The following JADE3 variants were observed in gnomAD, a reference collection of about 807,000 sequenced individuals.
JADE3 encodes the protein jade family PHD finger 3, also known as protein Jade-3.
In JADE3, 2 loss-of-function variants were observed where a neutral mutation model predicts 50.1. The ratio of observed to expected loss-of-function variants is 0.04; its 90% CI spans 0.02 to 0.13. JADE3 has a LOEUF of 0.13. JADE3 is among the 10% of genes least tolerant of loss of function. The pLI, the probability that JADE3 is intolerant of heterozygous loss-of-function variation, is 1.00. For synonymous variants in JADE3, 218 were observed against 232.9 expected (o/e 0.94, Z 0.58); for missense variants, 475 against 634.4 (o/e 0.75, Z 2.70).
chrX:46,976,154 C>G (rs1350789016), intron 1 of JADE3, among the ~76,000 whole-genome samples: 2 of 111,491 alleles, frequency 1.8e-5, no homozygotes, highest in East Asian at 5.6e-4. Flanking sequence ...AATAGGGGCC[C>G]CTTGCACTGA....
At chrX:46,951,952 C>G (rs1556345227) in intron 1 of JADE3, among the ~76,000 whole-genome samples, 2 of 111,507 alleles carry the variant, frequency 1.8e-5, no homozygotes, top group Non-Finnish European at 3.8e-5. Flanking sequence ...GTTTTAGAAG[C>G]AAGATCTTGT....
chrX:46,939,707 TCTA>T (rs1926711142), intron 1 of JADE3, among the ~76,000 whole-genome samples: 1 of 112,124 alleles, frequency 8.9e-6, no homozygotes, highest in African/African-American at 3.2e-5. Context: ...GTTTGAAATA[TCTA>T]CTTTTTATCA....
rs782300274 is a variant in JADE3, at chrX:47,011,469, A to T, written c.284+13192A>T. Among the ~76,000 whole-genome samples, 72 of 111,801 alleles carry T rather than the reference A, an allele frequency of 6.4e-4. No individual in the cohort carries two copies. The South Asian group carries it at 0.024, about 38-fold the overall frequency. On this transcript the variant is annotated intron_variant, in intron 4 of 10. Transcript: ENST00000614628. ...AACATCCTCATACAGTTTTTTTTTA[A>T]ATTTTAATCAGGTCCTCTAGAAGAA...
At chrX:47,007,945 A>T (rs1486149110) in intron 4 of JADE3, among the ~76,000 whole-genome samples, 1 of 109,515 alleles carries the variant, frequency 9.1e-6, no homozygotes, top group Non-Finnish European at 1.9e-5. Flanking sequence ...TGTGAAATAG[A>T]TCATTTGAAT....
chrX:46,934,146 T>A (rs1926555256), intron 1 of JADE3, among the ~76,000 whole-genome samples: 1 of 111,632 alleles, frequency 9.0e-6, no homozygotes, highest in South Asian at 3.7e-4. Context: ...TTCATTTTGT[T>A]TTTTTTAAGA....
intron 4 of JADE3, among the ~76,000 whole-genome samples, chrX:47,015,688 G>A (rs1307238909): frequency 3.0e-5 from 3 of 99,963 alleles, no homozygotes; most frequent in Non-Finnish European, 6.1e-5. Context: ...TACGCCATTT[G>A]TTATAGCAAA....
At chrX:46,967,798 T>G (rs781818864) in intron 1 of JADE3, among the ~76,000 whole-genome samples, 1 of 112,220 alleles carries the variant, frequency 8.9e-6, no homozygotes, top group African/African-American at 3.2e-5. Context: ...CTGATTAGCC[T>G]TTTATTTCTT....
At chrX:46,930,590 C>G (rs1473548320) in intron 1 of JADE3, among the ~76,000 whole-genome samples, 1 of 112,226 alleles carries the variant, frequency 8.9e-6, no homozygotes, top group African/African-American at 3.2e-5. Context: ...TTGTGGATTA[C>G]TGTCATTGTG....
intron 8 of JADE3, among the ~76,000 whole-genome samples, chrX:47,051,117 G>A (rs1295630545): frequency 9.0e-6 from 1 of 110,647 alleles, no homozygotes; most frequent in Non-Finnish European, 1.9e-5. Context: ...GGAAAGTGGA[G>A]GGGGAGGTGT....
intron 5 of JADE3, among the ~76,000 whole-genome samples, chrX:47,025,604 A>G (rs1014515711): frequency 8.9e-6 from 1 of 112,290 alleles, no homozygotes; most frequent in African/African-American, 3.2e-5. Context: ...TGTGTGCCAT[A>G]CAATACCATA....
intron 1 of JADE3, among the ~76,000 whole-genome samples, chrX:46,952,147 G>A (rs782496061): frequency 9.8e-5 from 11 of 112,418 alleles, no homozygotes; most frequent in African/African-American, 3.6e-4. Context: ...GGCATCTGTT[G>A]TCTTTTCTCA....
At chrX:47,043,299 A>G (rs1175764050) in intron 8 of JADE3, among the ~76,000 whole-genome samples, 4 of 112,258 alleles carry the variant, frequency 3.6e-5, no homozygotes, top group Admixed American at 2.8e-4. Flanking sequence ...TGACTCTTCA[A>G]TGCCCAGACA....
At chrX:46,952,822 A>G (rs1927035896) in intron 1 of JADE3, among the ~76,000 whole-genome samples, 1 of 111,280 alleles carries the variant, frequency 9.0e-6, no homozygotes, top group Non-Finnish European at 1.9e-5. Flanking sequence ...ACATGGTGAA[A>G]CCCCATCTCT....
At chrX:46,957,213 T>TTAGATAGATAGA (rs61650300) in intron 1 of JADE3, among the ~76,000 whole-genome samples, 9,495 of 98,476 alleles carry the variant, frequency 0.096, 373 homozygotes, top group Non-Finnish European at 0.1. Flanking sequence ...TTCAGATAGA[T>TTAGATAGATAGA]TAGATAGATA....
chrX:46,958,041 A>G (rs1333572478), intron 1 of JADE3, among the ~76,000 whole-genome samples: 4 of 111,405 alleles, frequency 3.6e-5, no homozygotes, highest in Non-Finnish European at 5.7e-5. Flanking sequence ...CACCCTTTCA[A>G]TGGTCATTTA....
intron 3 of JADE3, among the ~76,000 whole-genome samples, chrX:46,996,377 A>G (rs922155539): frequency 8.9e-6 from 1 of 111,946 alleles, no homozygotes; most frequent in African/African-American, 3.2e-5. Context: ...ACCACATTTC[A>G]TTGGCCTCTG....
chrX:46,956,257 G>T (rs781932816), intron 1 of JADE3, among the ~76,000 whole-genome samples: 1 of 111,450 alleles, frequency 9.0e-6, no homozygotes, highest in Non-Finnish European at 1.9e-5. Flanking sequence ...TAGACAAGGG[G>T]TTTCACCATG....
intron 4 of JADE3, among the ~76,000 whole-genome samples, chrX:47,001,371 G>A (rs1488865988): frequency 9.0e-6 from 1 of 111,457 alleles, no homozygotes; most frequent in Non-Finnish European, 1.9e-5. Flanking sequence ...CACTAGTCTG[G>A]GGATGACACT....
chrX:47,048,847 T>C (rs1929435084), intron 8 of JADE3, among the ~76,000 whole-genome samples: 1 of 111,916 alleles, frequency 8.9e-6, no homozygotes, highest in South Asian at 3.7e-4. Flanking sequence ...TATATCTTAA[T>C]AAAGCTATTT....
Sources: gnomAD v4.1 joint callset for allele counts (sites outside exome capture counted in the v4.1 genomes callset) on GRCh38, gnomAD v4.1.1 for gene constraint, MANE v1.5 for transcripts, NCBI Gene and HGNC (gene_info 2026-07-23, HGNC 2026-07-21) for gene names.